The following CNTN5 variants were observed in gnomAD, a reference collection of about 807,000 sequenced individuals.
CNTN5 encodes contactin-5.
CNTN5 carries 77 observed loss-of-function variants against 129.1 expected under a neutral mutation model. The ratio of observed to expected loss-of-function variants is 0.60; its 90% confidence interval spans 0.50 to 0.72. The LOEUF (loss-of-function observed/expected upper bound fraction) is 0.72, where lower values mean the gene tolerates loss of function less well. CNTN5 is among the 30% of genes least tolerant of loss of function. CNTN5 has a pLI of 0.00. For missense variants in CNTN5, 1,478 were observed against 1,328.8 expected (o/e 1.11, Z -1.75); for synonymous variants, 509 against 465.6 (o/e 1.09, Z -1.20).
chr11:99,577,661 G>A (rs1196446822), intron 3 of CNTN5, among the ~76,000 whole-genome samples: 1 of 151,834 alleles, frequency 6.6e-6, no homozygotes. Flanking sequence ...AAAATACAGT[G>A]TTTAAAAGAG....
intron 18 of CNTN5, among the ~76,000 whole-genome samples, chr11:100,282,228 C>T (rs1002291347): frequency 6.6e-6 from 1 of 152,160 alleles, no homozygotes; most frequent in Non-Finnish European, 1.5e-5. Flanking sequence ...TTGTAACCTG[C>T]CTTTCGTGGG....
At chr11:99,742,363 G>T (rs1017685282) in intron 3 of CNTN5, among the ~76,000 whole-genome samples, 1 of 151,528 alleles carries the variant, frequency 6.6e-6, no homozygotes, top group Admixed American at 6.6e-5. Flanking sequence ...ACATCAGATT[G>T]TACTTAACAC....
chr11:100,224,647 G>A, intron 15 of CNTN5, 45 bp from the exon 16 acceptor site: 1 of 1,582,922 alleles, frequency 6.3e-7, no homozygotes, highest in Non-Finnish European at 8.6e-7. Flanking sequence ...CCTTGAACTA[G>A]GCAGATTTGC....
At chr11:99,993,138 T>C (rs369334982) in intron 8 of CNTN5, among the ~76,000 whole-genome samples, 2 of 152,192 alleles carry the variant, frequency 1.3e-5, no homozygotes, top group East Asian at 1.9e-4. Context: ...AGATTTGAGA[T>C]ACTAAAACTT....
rs973952292 is a variant in CNTN5, at chr11:99,284,733, C to T, written c.-209-40613C>T. ...AGTTAGTTGTTTAAATGCTAGTCTT[C>T]CCTAAAAGACTGAGCTGATGTCAGC... On this transcript the variant is annotated intron_variant, in intron 1 of 24. Transcript: ENST00000524871. Among the ~76,000 whole-genome samples, 8 of 151,308 alleles carry T rather than the reference C, an allele frequency of 5.3e-5. No individual in the cohort carries two copies. The South Asian group carries it at 1.7e-3, about 32-fold the overall frequency.
At chr11:99,912,612 C>T (rs1044986412) in intron 6 of CNTN5, among the ~76,000 whole-genome samples, 3 of 150,106 alleles carry the variant, frequency 2.0e-5, no homozygotes, top group Admixed American at 1.3e-4. Flanking sequence ...ATCTAAAGCT[C>T]TTAATAACAT....
chr11:99,927,327 A>T (rs1236875511), intron 7 of CNTN5, among the ~76,000 whole-genome samples: 40 of 152,198 alleles, frequency 2.6e-4, no homozygotes, highest in Admixed American at 2.6e-3. Flanking sequence ...AAAAACACAG[A>T]GATCCAGGTC....
chr11:99,114,955 C>G (rs1362312551), intron 1 of CNTN5, among the ~76,000 whole-genome samples: 1 of 152,160 alleles, frequency 6.6e-6, no homozygotes, highest in African/African-American at 2.4e-5. Context: ...ACGCAAAACT[C>G]TTACGAAGGG....
intron 6 of CNTN5, among the ~76,000 whole-genome samples, chr11:99,862,819 A>G (rs1250746445): frequency 2.0e-5 from 3 of 152,056 alleles, no homozygotes; most frequent in African/African-American, 4.8e-5. Context: ...ACTTTCACCT[A>G]CTAAAACCTC....
chr11:99,582,963 C>T (rs1166005160), intron 3 of CNTN5, among the ~76,000 whole-genome samples: 1 of 152,060 alleles, frequency 6.6e-6, no homozygotes, highest in Non-Finnish European at 1.5e-5. Flanking sequence ...TTTTATCTAC[C>T]TTTGGTTTTT....
chr11:99,405,230 T>C (rs6590097), intron 2 of CNTN5, among the ~76,000 whole-genome samples: 113,284 of 152,004 alleles, frequency 0.75, 43,078 homozygotes, highest in African/African-American at 0.9. Flanking sequence ...CTTGGTGTTT[T>C]ATAACCTTGC....
chr11:99,937,476 C>G (rs896514119), intron 7 of CNTN5, among the ~76,000 whole-genome samples: 3 of 152,206 alleles, frequency 2.0e-5, no homozygotes, highest in Non-Finnish European at 2.9e-5. Context: ...CTCGCTCAAT[C>G]AGCACAGTCT....
At chr11:100,282,546 G>A (rs574426553) in intron 18 of CNTN5, among the ~76,000 whole-genome samples, 1 of 152,200 alleles carries the variant, frequency 6.6e-6, no homozygotes, top group African/African-American at 2.4e-5. Context: ...AGCCAGTCCA[G>A]CAGTCGATCT....
intron 2 of CNTN5, among the ~76,000 whole-genome samples, chr11:99,392,971 T>C (rs1504716): frequency 1 from 151,763 of 151,924 alleles, 75,802 homozygotes; most frequent in Non-Finnish European, 1. Flanking sequence ...GTGGAAATAA[T>C]GGTATAAGGA....
At chr11:99,666,210 C>T (rs1036520424) in intron 3 of CNTN5, among the ~76,000 whole-genome samples, 8 of 152,206 alleles carry the variant, frequency 5.3e-5, no homozygotes, top group South Asian at 2.1e-4. Context: ...TCAGGTGATC[C>T]GCCTGCCTGT....
intron 3 of CNTN5, among the ~76,000 whole-genome samples, chr11:99,743,448 T>A (rs1467342290): frequency 2.0e-5 from 3 of 152,194 alleles, no homozygotes; most frequent in African/African-American, 7.2e-5. Context: ...CTGAATTCAC[T>A]GTCCCATAAA....
At chr11:100,219,084 G>T (rs567813501) in intron 15 of CNTN5, among the ~76,000 whole-genome samples, 1 of 152,026 alleles carries the variant, frequency 6.6e-6, no homozygotes, top group Non-Finnish European at 1.5e-5. Context: ...ACTTTTCTCC[G>T]GACTAAGCCT....
At chr11:99,854,174 A>G (rs1006087390) in intron 6 of CNTN5, among the ~76,000 whole-genome samples, 1 of 152,274 alleles carries the variant, frequency 6.6e-6, no homozygotes. Context: ...CCTACCTGGA[A>G]TACCTGACCA....
At chr11:99,486,198 G>A (rs901824927) in intron 2 of CNTN5, among the ~76,000 whole-genome samples, 13 of 151,990 alleles carry the variant, frequency 8.6e-5, no homozygotes, top group African/African-American at 2.7e-4. Context: ...TTTCAGATAT[G>A]TCTAGACCAA....
Sources: allele counts gnomAD v4.1 joint callset (sites outside exome capture counted in the v4.1 genomes callset), GRCh38; gene constraint gnomAD v4.1.1; transcripts MANE v1.5; gene names NCBI Gene and HGNC (gene_info 2026-07-23, HGNC 2026-07-21).